R3HDM2: variants seen among roughly 807,000 people sequenced by gnomAD.
R3HDM2 encodes the protein R3H domain-containing protein 2.
In R3HDM2, 38 loss-of-function variants were observed where a neutral mutation model predicts 124.5. The ratio of observed to expected loss-of-function variants is 0.31; its 90% CI spans 0.24 to 0.40. The LOEUF is 0.40. Among genes scored for constraint, R3HDM2 ranks in the 10% least tolerant of loss-of-function variants. The probability of loss-of-function intolerance (pLI) is 1.00; values close to 1 mark genes in which losing one functional copy is unlikely to be tolerated. For synonymous variants in R3HDM2, 391 were observed against 448.0 expected, an observed-to-expected ratio of 0.87 and a Z score of 1.61; for missense variants, 869 against 1,236.9, an observed-to-expected ratio of 0.70 and a Z score of 4.46.
At chr12:57,352,639 C>T (rs1338796731) in intron 2 of R3HDM2, among the ~76,000 whole-genome samples, 2 of 151,778 alleles carry the variant, frequency 1.3e-5, no homozygotes, top group African/African-American at 4.8e-5. Flanking sequence ...ACTACAGGTG[C>T]GCGCCACCAC....
At chr12:57,426,020 G>C (rs138997130) in intron 1 of R3HDM2, among the ~76,000 whole-genome samples, 1,823 of 152,264 alleles carry the variant, frequency 0.012, 33 homozygotes, top group African/African-American at 0.041. Context: ...CTGAGGTTAG[G>C]AGTTCGAGAG....
chr12:57,255,066 G>T lies in R3HDM2; in HGVS notation c.2680C>A (p.Arg894Ser). Residue 894 changes from arginine to serine, a missense_variant, in exon 24 of 24, where the codon CGT becomes AGT. Transcript: ENST00000402412. ...EVTDLPEGIT[R>S]TEADKLFTQL... is the part of the protein sequence containing the mutation. ...GTGAAGAGTTTGTCCGCCTCAGTAC[G>T]GGTGATGCCCTCAGGGAGATCTGTC... 1 of 1,611,292 alleles carries T rather than the reference G, an allele frequency of 6.2e-7. No individual in the cohort carries two copies. Among genetic ancestry groups the T allele is most frequent in the Non-Finnish European group, 8.5e-7 (1 of 1,178,648 alleles).
At chr12:57,412,367 C>A (rs2069086126) in intron 1 of R3HDM2, among the ~76,000 whole-genome samples, 2 of 151,548 alleles carry the variant, frequency 1.3e-5, no homozygotes, top group African/African-American at 4.8e-5. Flanking sequence ...CATTGTGAAA[C>A]CTTGTCCCTA....
At position 57,296,422 on chromosome 12, in the gene R3HDM2, A is replaced by G. The variant is rs2049902043; in HGVS notation, c.690T>C (p.Ser230=). Residue 230 remains serine (S), a synonymous_variant, in exon 9 of 24, where the codon AGT becomes AGC. Coordinates refer to ENST00000402412, the MANE Select transcript of R3HDM2 (RefSeq NM_001394031.1). This position sits in a 1 kb window ranked among gnomAD's most constrained non-coding sequence, Gnocchi z 4.5. Reference sequence around the variant, plus strand: ...GTTTCCTCCCTTACATTCTTGTGTTACTAGTTTTGTTGATGATGACAGCTT... The same window carrying G: ...GTTTCCTCCCTTACATTCTTGTGTTGCTAGTTTTGTTGATGATGACAGCTT... The part of the protein sequence containing the change: ...TGKAVIINKT[S]NTRIPEQRFS... The G allele has an allele frequency of 6.4e-7, 1 of 1,552,148 alleles. No homozygotes were observed. Among genetic ancestry groups the G allele is most frequent in the Non-Finnish European group, 8.7e-7 (1 of 1,147,112 alleles).
At chr12:57,331,653 G>A (rs987931792) in intron 2 of R3HDM2, among the ~76,000 whole-genome samples, 16 of 152,004 alleles carry the variant, frequency 1.1e-4, no homozygotes, top group Non-Finnish European at 2.2e-4. Context: ...TATGGCTCAC[G>A]CCTGTAATCC....
chr12:57,353,439 T>A (rs2060890179), intron 2 of R3HDM2, among the ~76,000 whole-genome samples: 1 of 152,170 alleles, frequency 6.6e-6, no homozygotes. Flanking sequence ...CCAAAAACTT[T>A]AAAAAATGTC....
chr12:57,332,682 AC>A (rs2136665145), intron 2 of R3HDM2, among the ~76,000 whole-genome samples: 1 of 152,316 alleles, frequency 6.6e-6, no homozygotes, highest in Admixed American at 6.5e-5. Context: ...CTAACGTGAT[AC>A]TTTTTTCCTC....
intron 1 of R3HDM2, 140 bp downstream of exon 1, chr12:57,430,580 A>C (rs1869624367): frequency 2.0e-6 from 2 of 983,916 alleles, no homozygotes; most frequent in South Asian, 4.7e-5. Flanking sequence ...TCCGACCCTG[A>C]CCCATCGTCC....
chr12:57,266,931 G>C (rs1287833021), intron 18 of R3HDM2, 100 bp from the exon 19 acceptor site: 2 of 843,632 alleles, frequency 2.4e-6, no homozygotes, highest in Non-Finnish European at 1.8e-6. Context: ...ATGGGAAGGA[G>C]AGGCAACTTC....
At chr12:57,337,589 A>G (rs571820408) in intron 2 of R3HDM2, among the ~76,000 whole-genome samples, 2 of 152,272 alleles carry the variant, frequency 1.3e-5, no homozygotes, top group East Asian at 3.9e-4. Flanking sequence ...TGCACGTTAA[A>G]TTTCCTCTAT....
chr12:57,427,519 T>G (rs928724749), intron 1 of R3HDM2, among the ~76,000 whole-genome samples: 1 of 150,418 alleles, frequency 6.6e-6, no homozygotes, highest in Non-Finnish European at 1.5e-5. Context: ...CCAGCTAATT[T>G]TTGTATTTTT....
intron 1 of R3HDM2, among the ~76,000 whole-genome samples, chr12:57,419,445 CTT>C (rs34978677): frequency 1.3e-4 from 18 of 143,872 alleles, no homozygotes; most frequent in Admixed American, 2.8e-4. Context: ...ATCTGGCCAT[CTT>C]TTTTTTTTTT....
At chr12:57,307,936 T>C (rs533688791) in intron 3 of R3HDM2, among the ~76,000 whole-genome samples, 1 of 152,082 alleles carries the variant, frequency 6.6e-6, no homozygotes, top group East Asian at 1.9e-4. Context: ...AGAGCTCCAG[T>C]AGATGGCAGC....
In R3HDM2 at chr12:57,360,047, A is replaced by ATATT. The variant is rs1566328941; in HGVS notation, c.-36+35701_-36+35702insAATA. ...TACACACATATATATATATATATAT[A>ATATT]TTTTTTTTTTTTTTTTGGTCGCTCA... On this transcript the variant is annotated intron_variant, in intron 2 of 23. Coordinates refer to ENST00000402412, the MANE Select transcript of R3HDM2 (RefSeq NM_001394031.1). Among the ~76,000 whole-genome samples, 5 of 113,354 alleles carry ATATT rather than the reference A, an allele frequency of 4.4e-5. No homozygotes were observed. In the South Asian group the frequency reaches 1.1e-3, roughly 26 times the overall value. The allele number at this position is 113,354 out of a possible 152,430, so 74.4% of individuals were successfully genotyped here.
intron 14 of R3HDM2, chr12:57,272,399 C>T: frequency 7.0e-7 from 1 of 1,429,348 alleles, no homozygotes; most frequent in Non-Finnish European, 9.6e-7. Context: ...CCAGACATAC[C>T]TACAGATACA....
At position 57,266,722 on chromosome 12, in the gene R3HDM2, T is replaced by G; in HGVS notation, c.2131+9A>C. 1 of 1,560,042 alleles carries G rather than the reference T, an allele frequency of 6.4e-7. No homozygotes were observed. The highest frequency in any genetic ancestry group is 8.8e-7 in the Non-Finnish European group (1 of 1,131,666). ...AGTGCCCAAGACCCACAGTTCCTTA[T>G]CCTCTTACCTGAGTACTGCTGTGGC... is the stretch of plus-strand genomic sequence containing the variant. On this transcript the variant is annotated intron_variant, in intron 19 of 23. Transcript: ENST00000402412.
chr12:57,298,779 T>C (rs1205213493), intron 6 of R3HDM2, among the ~76,000 whole-genome samples: 5 of 151,092 alleles, frequency 3.3e-5, no homozygotes, highest in South Asian at 2.1e-4. Context: ...CTGGCCAACA[T>C]AGTAAAACTA....
At chr12:57,321,971 T>C (rs1264271531) in intron 2 of R3HDM2, among the ~76,000 whole-genome samples, 3 of 152,336 alleles carry the variant, frequency 2.0e-5, no homozygotes, top group South Asian at 2.1e-4. Flanking sequence ...GACTCACACC[T>C]GTAATCCCAG....
Position 57,289,052 on chromosome 12 carries a change from G to C in R3HDM2, c.907-12C>G. ...CCGTTCTGGCCAGTCTAGGTGAGGG[G>C]GAGAAAACGGAAAATAACTTATAAG... On this transcript the variant is annotated splice_polypyrimidine_tract_variant and intron_variant, in intron 11 of 23. Coordinates refer to ENST00000402412, the MANE Select transcript of R3HDM2 (RefSeq NM_001394031.1). 4 of 1,542,676 alleles carry C rather than the reference G, an allele frequency of 2.6e-6. No individual in the cohort carries two copies. Among genetic ancestry groups the C allele is most frequent in the Non-Finnish European group, 3.5e-6 (4 of 1,138,708 alleles).
Sources: allele counts gnomAD v4.1 joint callset (sites outside exome capture counted in the v4.1 genomes callset), GRCh38; gene constraint gnomAD v4.1.1; non-coding constraint Gnocchi (gnomAD v3.1); transcripts MANE v1.5; gene names NCBI Gene and HGNC (gene_info 2026-07-23, HGNC 2026-07-21).